The following GABPB1 variants were observed in gnomAD, a reference collection of about 807,000 sequenced individuals.
GABPB1 encodes GA binding protein transcription factor subunit beta 1, also known as GA-binding protein subunit beta-1.
GABPB1 carries 15 observed loss-of-function variants against 45.9 expected under a neutral mutation model. That is an observed-to-expected ratio of 0.33 (90% CI 0.22 to 0.50). GABPB1 has a LOEUF of 0.50. GABPB1 is among the 20% of genes least tolerant of loss of function. The pLI is 0.98. For missense variants in GABPB1, 252 were observed against 457.5 expected, an observed-to-expected ratio of 0.55 and a Z score of 4.10; for synonymous variants, 143 against 154.4, an observed-to-expected ratio of 0.93 and a Z score of 0.55.
intron 8 of GABPB1, among the ~76,000 whole-genome samples, chr15:50,279,279 C>T (rs1365488867): frequency 6.6e-6 from 1 of 152,184 alleles, no homozygotes; most frequent in Non-Finnish European, 1.5e-5. Flanking sequence ...AAAAATGATG[C>T]TCAGGGATGA....
At chr15:50,316,123 A>C (rs1162927423) in intron 1 of GABPB1, among the ~76,000 whole-genome samples, 1 of 152,234 alleles carries the variant, frequency 6.6e-6, no homozygotes, top group Non-Finnish European at 1.5e-5. Flanking sequence ...TTAGTTTAAC[A>C]ACAAAAATAT....
intron 1 of GABPB1, among the ~76,000 whole-genome samples, chr15:50,330,364 G>A (rs1595818166): frequency 6.6e-6 from 1 of 151,800 alleles, no homozygotes; most frequent in South Asian, 2.1e-4. Flanking sequence ...AAATACCATT[G>A]TATACTTTTA....
chr15:50,354,472 C>G (rs1005868004), intron 1 of GABPB1: 7 of 447,242 alleles, frequency 1.6e-5, no homozygotes, highest in Non-Finnish European at 2.7e-5. Flanking sequence ...CCTCGCCGCC[C>G]GTTCCCCTCT....
At position 50,303,972 on chromosome 15, in the gene GABPB1, T is replaced by C. The variant is rs141656077; in HGVS notation, c.270A>G (p.Leu90=). Reference sequence around the variant, plus strand: ...GCAAAAAGAGAACACATACCTTAAGTAAAACCTCTACTATGCTGGCATGGC... The same window carrying C: ...GCAAAAAGAGAACACATACCTTAAGCAAAACCTCTACTATGCTGGCATGGC... ...SEGHASIVEV[L]LKHGADVNAK... The change falls in exon 3 of 9, where the codon TTA becomes TTG. Residue 90 remains leucine, a synonymous_variant. Coordinates refer to ENST00000380877, the MANE Select transcript of GABPB1 (RefSeq NM_016654.5). 271 of 1,595,918 alleles carry C rather than the reference T, an allele frequency of 1.7e-4. 1 individual carries two copies. The highest frequency in any genetic ancestry group is 3.3e-4 in the South Asian group (29 of 87,018).
At chr15:50,280,373 G>A (rs1346122678) in intron 8 of GABPB1, among the ~76,000 whole-genome samples, 1 of 152,206 alleles carries the variant, frequency 6.6e-6, no homozygotes, top group Non-Finnish European at 1.5e-5. Flanking sequence ...AATGGAAGGG[G>A]TGAGGGGTGG....
chr15:50,330,130 C>T (rs190584641), intron 1 of GABPB1, among the ~76,000 whole-genome samples: 16 of 151,928 alleles, frequency 1.1e-4, no homozygotes, highest in Admixed American at 6.6e-4. Context: ...TCTCAAACTC[C>T]GGGGCTCAAG....
intron 2 of GABPB1, among the ~76,000 whole-genome samples, chr15:50,307,486 G>A (rs530927043): frequency 1.4e-4 from 22 of 152,020 alleles, no homozygotes; most frequent in Admixed American, 9.8e-4. Context: ...GGCTGATCAC[G>A]GGGTCAGGAG....
intron 1 of GABPB1, among the ~76,000 whole-genome samples, chr15:50,310,553 G>C (rs988805589): frequency 2.0e-5 from 3 of 152,166 alleles, no homozygotes; most frequent in Admixed American, 6.5e-5. Context: ...TAGTAAATGT[G>C]TTCAAAATTT....
intron 1 of GABPB1, among the ~76,000 whole-genome samples, chr15:50,335,139 G>C (rs951714185): frequency 7.2e-5 from 11 of 152,238 alleles, no homozygotes; most frequent in African/African-American, 2.6e-4. Context: ...CCTATGCTTT[G>C]TAAAGACTTT....
In GABPB1 at chr15:50,322,414, T is replaced by C. The variant is rs571119402; in HGVS notation, c.1-12616A>G. On this transcript the variant is annotated intron_variant, in intron 1 of 8. Coordinates refer to ENST00000380877, the MANE Select transcript of GABPB1 (RefSeq NM_016654.5). ...AAAAAAAATTAGCCGGGCATGGTGG[T>C]GCATGCCTGTAGTCCCAGCTACTCA... Among the ~76,000 whole-genome samples, 3 of 148,908 alleles carry C rather than the reference T, an allele frequency of 2.0e-5. No homozygotes were observed. The East Asian group carries it at 6.0e-4, about 30-fold the overall frequency.
chr15:50,317,152 T>A (rs2047362113), intron 1 of GABPB1, among the ~76,000 whole-genome samples: 1 of 151,984 alleles, frequency 6.6e-6, no homozygotes, highest in Non-Finnish European at 1.5e-5. Context: ...TCCCAGCACT[T>A]TGGGAGGCCG....
At chr15:50,328,443 T>C (rs16963635) in intron 1 of GABPB1, among the ~76,000 whole-genome samples, 7,441 of 152,260 alleles carry the variant, frequency 0.049, 311 homozygotes, top group East Asian at 0.2. Flanking sequence ...CAAGATAGCA[T>C]GTAATTTCTT....
At chr15:50,279,558 A>C (rs1459709609) in intron 8 of GABPB1, among the ~76,000 whole-genome samples, 19 of 152,230 alleles carry the variant, frequency 1.2e-4, no homozygotes, top group Admixed American at 1.2e-3. Flanking sequence ...ATCCAATGAA[A>C]ACGGTATTGT....
At chr15:50,353,230 T>C (rs1218451960) in intron 1 of GABPB1, 2 of 152,226 alleles carry the variant, frequency 1.3e-5, no homozygotes, top group Non-Finnish European at 2.9e-5. Flanking sequence ...TCTGTGATTT[T>C]GTTTAGTCAC....
chr15:50,325,264 A>T (rs1186265228), intron 1 of GABPB1, among the ~76,000 whole-genome samples: 1 of 151,744 alleles, frequency 6.6e-6, no homozygotes, highest in Non-Finnish European at 1.5e-5. Flanking sequence ...AAACTGGACA[A>T]ATAATATTTT....
At chr15:50,285,737 C>A in intron 8 of GABPB1, 1 of 909,556 alleles carries the variant, frequency 1.1e-6, no homozygotes, top group Non-Finnish European at 1.4e-6. Context: ...AAATTTTAGC[C>A]AATATATACT....
chr15:50,324,065 G>A (rs996576828), intron 1 of GABPB1, among the ~76,000 whole-genome samples: 5 of 151,880 alleles, frequency 3.3e-5, no homozygotes, highest in African/African-American at 4.8e-5. Context: ...TTAGCTGGGC[G>A]GGTGGCACAC....
At chr15:50,322,796 G>A (rs1023033773) in intron 1 of GABPB1, among the ~76,000 whole-genome samples, 1 of 152,044 alleles carries the variant, frequency 6.6e-6, no homozygotes, top group Non-Finnish European at 1.5e-5. Context: ...GGAGGCTGAG[G>A]CGGGTGGATT....
intron 1 of GABPB1, among the ~76,000 whole-genome samples, chr15:50,348,586 G>A (rs2048696776): frequency 6.6e-6 from 1 of 151,102 alleles, no homozygotes; most frequent in South Asian, 2.1e-4. Context: ...CTTTTTGGCT[G>A]GGCACAGTGG....
Sources: gnomAD v4.1 joint callset for allele counts (sites outside exome capture counted in the v4.1 genomes callset) on GRCh38, gnomAD v4.1.1 for gene constraint, MANE v1.5 for transcripts, NCBI Gene and HGNC (gene_info 2026-07-23, HGNC 2026-07-21) for gene names.